Variants in ZNF281 observed in about 807,000 individuals in gnomAD.
ZNF281 encodes the protein zinc finger protein 281, also known as GC-box-binding zinc finger protein 1.
ZNF281 carries 2 observed loss-of-function variants against 58.8 expected under a neutral mutation model. The observed-to-expected ratio is 0.03, with a 90% CI of 0.01 to 0.11. ZNF281 has a LOEUF of 0.11. Among genes scored for constraint, ZNF281 ranks in the 10% least tolerant of loss-of-function variants. The pLI, the probability that ZNF281 is intolerant of heterozygous loss-of-function variation, is 1.00. For synonymous variants in ZNF281, 465 were observed against 407.7 expected (o/e 1.14, Z -1.69); for missense variants, 975 against 1,090.7 (o/e 0.89, Z 1.49).
rs1248080358 is a variant in ZNF281, at chr1:200,407,484, A to C, written c.2222T>G (p.Phe741Cys). 6.2e-7 allele frequency: 1 copy of C among 1,614,180 alleles called. No homozygotes were observed. Among genetic ancestry groups the C allele is most frequent in the South Asian group, 1.1e-5 (1 of 91,084 alleles). The change falls in exon 2 of 2, where the codon TTT (phenylalanine) becomes TGT (cysteine). Residue 741 changes from phenylalanine to cysteine, a missense_variant. Phe to Cys is a radical substitution (Grantham distance 205). This residue lies in a region of ZNF281 where 579 missense variants were observed against 608.9 expected (regional missense o/e 0.95). Transcript: ENST00000367353. The part of the protein sequence containing the change: ...SLPKPPFGML[F>C]GSQPGLYLSA... Reference sequence around the variant, plus strand: ...CAAATAAAGACCTGGCTGAGATCCAAACAACATCCCAAAAGGAGGCTTTGG... The same window carrying C: ...CAAATAAAGACCTGGCTGAGATCCACACAACATCCCAAAAGGAGGCTTTGG...
Position 200,406,960 on chromosome 1 carries a change from T to G in ZNF281, c.*58A>C. ...GTGTAGAAACATTCCAATGGCAGTG[T>G]TCTCAAAATAAAACAAAATTACATT... On this transcript the variant is annotated 3_prime_UTR_variant, in exon 2 of 2. Transcript: ENST00000367353. 4.7e-6 allele frequency: 7 copies of G among 1,498,412 alleles called. No individual in the cohort carries two copies. The highest frequency in any genetic ancestry group is 6.2e-6 in the Non-Finnish European group (7 of 1,122,446). 92.8% of individuals were successfully genotyped at this position (1,498,412 alleles called of 1,614,324 possible). A position where few individuals can be genotyped will look rare whatever the true frequency, so the allele number is the denominator to read the frequency against.
Position 200,406,970 on chromosome 1 carries a change from A to G in ZNF281, c.*48T>C, listed in dbSNP as rs757561925. 73 of 1,528,310 alleles carry G rather than the reference A, an allele frequency of 4.8e-5. No individual in the cohort carries two copies. Among genetic ancestry groups the G allele is most frequent in the Non-Finnish European group, 6.2e-5 (71 of 1,144,234 alleles). 94.7% of individuals were successfully genotyped at this position (1,528,310 alleles called of 1,614,324 possible). On this transcript the variant is annotated 3_prime_UTR_variant, in exon 2 of 2. Transcript: ENST00000367353. ...ATTCCAATGGCAGTGTTCTCAAAAT[A>G]AAACAAAATTACATTAGAAGACCTC...
rs1654490181 is a variant in ZNF281, at chr1:200,407,649, A to G, written c.2057T>C (p.Leu686Pro). The G allele has an allele frequency of 7.4e-6, 12 of 1,614,230 alleles. No individual in the cohort carries two copies. Among genetic ancestry groups the G allele is most frequent in the Non-Finnish European group, 1.0e-5 (12 of 1,180,030 alleles). Residue 686 changes from leucine (L) to proline (P), a missense_variant, in exon 2 of 2, where the codon CTT becomes CCT. This residue lies in a region of ZNF281 where 579 missense variants were observed against 608.9 expected (regional missense o/e 0.95). Coordinates refer to ENST00000367353, the MANE Select transcript of ZNF281 (RefSeq NM_001281293.2). ...FEKSTNASFTLGHGFQFVSLS... is the reference protein window; with the variant it reads ...FEKSTNASFTPGHGFQFVSLS... ...ACTGACAAATTGGAAACCGTGTCCA[A>G]GAGTAAAACTTGCATTAGTGGATTT...
In ZNF281 at chr1:200,407,754, C is replaced by A. The variant is rs1654492950; in HGVS notation, c.1952G>T (p.Ser651Ile). The stretch of plus-strand genomic sequence containing the variant: ...ATTTGAAGGTGTTTGGGTGCCTGGG[C>A]TCAAATTTTCTTCTTGAACCAATTC... Reference protein sequence around the residue: ...HSELVQEENLSPGTQTPSNDK... With the variant: ...HSELVQEENLIPGTQTPSNDK... The change falls in exon 2 of 2, where the codon AGC becomes ATC. Residue 651 changes from serine to isoleucine, a missense_variant. By Grantham distance (142) the Ser-to-Ile change is moderately radical. This residue lies in a region of ZNF281 where 579 missense variants were observed against 608.9 expected (regional missense o/e 0.95). Coordinates refer to ENST00000367353, the MANE Select transcript of ZNF281 (RefSeq NM_001281293.2). 1.2e-6 allele frequency: 2 copies of A among 1,614,094 alleles called. No individual in the cohort carries two copies. Among genetic ancestry groups the A allele is most frequent in the Non-Finnish European group, 1.7e-6 (2 of 1,180,032 alleles).
At position 200,406,219 on chromosome 1, in the gene ZNF281, G is replaced by A. The variant is rs1282750226; in HGVS notation, c.*799C>T. On this transcript the variant is annotated 3_prime_UTR_variant, in exon 2 of 2. Coordinates refer to ENST00000367353, the MANE Select transcript of ZNF281 (RefSeq NM_001281293.2). ...CTTGGGCTTCAACACTGTACTAGAT[G>A]TCAGTAGAATCGCTTGATGGAATTA... The A allele has an allele frequency of 6.6e-6, 1 of 152,398 alleles. No individual in the cohort carries two copies. The highest frequency in any genetic ancestry group is 1.5e-5 in the Non-Finnish European group (1 of 68,006). 9.4% of individuals were successfully genotyped at this position (152,398 alleles called of 1,614,324 possible). A position where few individuals can be genotyped will look rare whatever the true frequency, so the allele number is the denominator to read the frequency against.
chr1:200,407,815 G>A lies in ZNF281; in HGVS notation c.1891C>T (p.Pro631Ser). 1 of 1,614,150 alleles carries A rather than the reference G, an allele frequency of 6.2e-7. No homozygotes were observed. The highest frequency in any genetic ancestry group is 8.5e-7 in the Non-Finnish European group (1 of 1,180,040). Residue 631 changes from proline to serine, a missense_variant, in exon 2 of 2, where the codon CCA becomes TCA. Coordinates refer to ENST00000367353, the MANE Select transcript of ZNF281 (RefSeq NM_001281293.2). ...QKEDPFNIAE[P>S]RVDLHTSGEH... is the part of the protein sequence containing the mutation. Reference sequence around the variant, plus strand: ...CCTGAGGTGTGTAAATCCACTCGTGGTTCTGCAATATTGAAAGGATCCTCT... The same window carrying A: ...CCTGAGGTGTGTAAATCCACTCGTGATTCTGCAATATTGAAAGGATCCTCT...
rs1654483221 is a variant in ZNF281 at position 200,407,441 on chromosome 1, T to C, written c.2265A>G (p.Thr755=). Residue 755 remains threonine, a synonymous_variant, in exon 2 of 2, where the codon ACA becomes ACG. Transcript: ENST00000367353. The part of the protein sequence containing the change: ...PGLYLSALDA[T]HQQLTPSQEL... ...CCTGGGAAGGTGTCAACTGCTGATG[T>C]GTAGCATCCAAAGCAGACAAATAAA... 1 of 1,614,090 alleles carries C rather than the reference T, an allele frequency of 6.2e-7. No homozygotes were observed. Among genetic ancestry groups the C allele is most frequent in the Non-Finnish European group, 8.5e-7 (1 of 1,180,050 alleles).
Position 200,409,996 on chromosome 1 carries a change from G to A in ZNF281, c.-69C>T, listed in dbSNP as rs1571697718. On this transcript the variant is annotated 5_prime_UTR_variant, in exon 1 of 2. Transcript: ENST00000367353. Reference sequence around the variant, plus strand: ...GTCGCCTCCAGTTAATAAAAATAACGCCGTCCTCTCCACAATGGAATTAAA... The same window carrying A: ...GTCGCCTCCAGTTAATAAAAATAACACCGTCCTCTCCACAATGGAATTAAA... 9 of 572,444 alleles carry A rather than the reference G, an allele frequency of 1.6e-5. 1 individual carries two copies. The East Asian group carries it at 1.8e-4, about 12-fold the overall frequency. 35.5% of individuals were successfully genotyped at this position (572,444 alleles called of 1,614,324 possible). A position where few individuals can be genotyped will look rare whatever the true frequency, so the allele number is the denominator to read the frequency against.
chr1:200,409,370 G>C lies in ZNF281; in HGVS notation c.336C>G (p.Pro112=), dbSNP rs780121334. 2 of 1,533,172 alleles carry C rather than the reference G, an allele frequency of 1.3e-6. No individual in the cohort carries two copies. Among genetic ancestry groups the C allele is most frequent in the Admixed American group, 2.1e-5 (1 of 47,276 alleles). 95.0% of individuals were successfully genotyped at this position (1,533,172 alleles called of 1,614,324 possible). ...KEPAASAAAF[P]SQRTSWGFLQ... is the part of the protein sequence containing the mutation. ...AGAACCCCCAGGAGGTCCTCTGCGA[G>C]GGGAAGGCCGCGGCTGACGCCGCCG... Residue 112 remains proline (P), a synonymous_variant, in exon 2 of 2, where the codon CCC becomes CCG. Transcript: ENST00000367353.
Position 200,407,980 on chromosome 1 carries a change from C to G in ZNF281, c.1726G>C (p.Asp576His). The change falls in exon 2 of 2, where the codon GAC becomes CAC. Residue 576 changes from aspartate (D) to histidine (H), a missense_variant. Physicochemically the swap from Asp to His is moderately conservative, Grantham distance 81. Around this residue, in one of 3 missense-constraint regions of ZNF281, gnomAD observed 579 missense variants for 608.9 expected, o/e 0.95. Coordinates refer to ENST00000367353, the MANE Select transcript of ZNF281 (RefSeq NM_001281293.2). The part of the protein sequence containing the change: ...VIQSAGVSVL[D>H]NEAPLSLIDS... Reference sequence around the variant, plus strand: ...ATAAGTGACAATGGTGCCTCATTGTCCAAAACACTGACACCTGCAGACTGA... The same window carrying G: ...ATAAGTGACAATGGTGCCTCATTGTGCAAAACACTGACACCTGCAGACTGA... 6.2e-7 allele frequency: 1 copy of G among 1,614,162 alleles called. No homozygotes were observed. Among genetic ancestry groups the G allele is most frequent in the Middle Eastern group, 1.6e-4 (1 of 6,062 alleles).
At position 200,406,934 on chromosome 1, in the gene ZNF281, C is replaced by A. The variant is rs540071956; in HGVS notation, c.*84G>T. ...GGCATCACATTATTCTTAATAGGAT[C>A]GTGTAGAAACATTCCAATGGCAGTG... On this transcript the variant is annotated 3_prime_UTR_variant, in exon 2 of 2. Transcript: ENST00000367353. 7.5e-7 allele frequency: 1 copy of A among 1,329,680 alleles called. No homozygotes were observed. The highest frequency in any genetic ancestry group is 1.5e-5 in the African/African-American group (1 of 68,432). The allele number at this position is 1,329,680 out of a possible 1,614,324, so 82.4% of individuals were successfully genotyped here. A position where few individuals can be genotyped will look rare whatever the true frequency, so the allele number is the denominator to read the frequency against.
Position 200,405,996 on chromosome 1 carries a change from A to ATTT in ZNF281, c.*1021_*1022insAAA, listed in dbSNP as rs1654440138. On this transcript the variant is annotated 3_prime_UTR_variant, in exon 2 of 2. Coordinates refer to ENST00000367353, the MANE Select transcript of ZNF281 (RefSeq NM_001281293.2). ...TGGTTCTAAAATTAAAACTGTTAAA[A>ATTT]TAGAAAGAGGGAAAAGGAAGGCCCA... The ATTT allele has an allele frequency of 6.6e-6, 1 of 152,314 alleles. No individual in the cohort carries two copies. The highest frequency in any genetic ancestry group is 2.1e-4 in the South Asian group (1 of 4,834). The allele number at this position is 152,314 out of a possible 1,614,324, so 9.4% of individuals were successfully genotyped here. A position where few individuals can be genotyped will look rare whatever the true frequency, so the allele number is the denominator to read the frequency against.
At position 200,408,393 on chromosome 1, in the gene ZNF281, G is replaced by A. The variant is rs1019100591; in HGVS notation, c.1313C>T (p.Ser438Leu). Residue 438 changes from serine to leucine, a missense_variant, in exon 2 of 2, where the codon TCA (serine) becomes TTA (leucine). By Grantham distance (145) the Ser-to-Leu change is moderately radical (BLOSUM62 -2). Around this residue, in one of 3 missense-constraint regions of ZNF281, gnomAD observed 579 missense variants for 608.9 expected, o/e 0.95. Coordinates refer to ENST00000367353, the MANE Select transcript of ZNF281 (RefSeq NM_001281293.2). Reference protein sequence around the residue: ...ISNNINMQSYSVEMPTVSSSG... With the variant: ...ISNNINMQSYLVEMPTVSSSG... ...GGAAGACACGGTAGGCATTTCTACT[G>A]AGTAACTCTGCATGTTTATATTATT... The A allele has an allele frequency of 1.9e-6, 3 of 1,614,002 alleles. No individual in the cohort carries two copies. The African/African-American group carries it at 4.0e-5, about 22-fold the overall frequency.
Position 200,406,920 on chromosome 1 carries a change from ATTC to A in ZNF281, c.*95_*97del. 6 of 1,230,238 alleles carry A rather than the reference ATTC, an allele frequency of 4.9e-6. No individual in the cohort carries two copies. The South Asian group carries it at 6.5e-5, about 13-fold the overall frequency. The allele number at this position is 1,230,238 out of a possible 1,614,324, so 76.2% of individuals were successfully genotyped here. Reference sequence around the variant, plus strand: ...AGTTGCATTGAAAGGGCATCACATTATTCTTAATAGGATCGTGTAGAAACATTC... The same window carrying A: ...AGTTGCATTGAAAGGGCATCACATTATTAATAGGATCGTGTAGAAACATTC... On this transcript the variant is annotated 3_prime_UTR_variant, in exon 2 of 2. Transcript: ENST00000367353.
Position 200,406,917 on chromosome 1 carries a change from A to G in ZNF281, c.*101T>C, listed in dbSNP as rs1654466830. The G allele has an allele frequency of 1.7e-6, 2 of 1,185,490 alleles. No homozygotes were observed. Among genetic ancestry groups the G allele is most frequent in the African/African-American group, 1.5e-5 (1 of 65,682 alleles). 73.4% of individuals were successfully genotyped at this position (1,185,490 alleles called of 1,614,324 possible). On this transcript the variant is annotated 3_prime_UTR_variant, in exon 2 of 2. Coordinates refer to ENST00000367353, the MANE Select transcript of ZNF281 (RefSeq NM_001281293.2). ...AAAAGTTGCATTGAAAGGGCATCAC[A>G]TTATTCTTAATAGGATCGTGTAGAA...
Position 200,409,406 on chromosome 1 carries a change from G to C in ZNF281, c.300C>G (p.Phe100Leu). 6 of 1,519,538 alleles carry C rather than the reference G, an allele frequency of 3.9e-6. No homozygotes were observed. The highest frequency in any genetic ancestry group is 5.3e-6 in the Non-Finnish European group (6 of 1,132,550). The allele number at this position is 1,519,538 out of a possible 1,614,324, so 94.1% of individuals were successfully genotyped here. A position where few individuals can be genotyped will look rare whatever the true frequency, so the allele number is the denominator to read the frequency against. Residue 100 changes from phenylalanine (F) to leucine (L), a missense_variant, in exon 2 of 2, where the codon TTC becomes TTG. Coordinates refer to ENST00000367353, the MANE Select transcript of ZNF281 (RefSeq NM_001281293.2). Reference protein sequence around the residue: ...PPPPPAPDMTFKKEPAASAAA... With the variant: ...PPPPPAPDMTLKKEPAASAAA... Reference sequence around the variant, plus strand: ...CGGCTGACGCCGCCGGCTCCTTCTTGAAAGTCATGTCCGGGGCTGGCGGAG... The same window carrying C: ...CGGCTGACGCCGCCGGCTCCTTCTTCAAAGTCATGTCCGGGGCTGGCGGAG...
rs532398537 is a variant in ZNF281, at chr1:200,410,035, C to A, written c.-108G>T. ...AATGGAATTAAAAGCCTCCCGTGTA[C>A]TGCGCAGCCGCGGCGCAGTGTCTGC... On this transcript the variant is annotated 5_prime_UTR_variant, in exon 1 of 2. Transcript: ENST00000367353. 6 of 423,896 alleles carry A rather than the reference C, an allele frequency of 1.4e-5. No individual in the cohort carries two copies. The highest frequency in any genetic ancestry group is 1.2e-4 in the Admixed American group (3 of 24,288). 26.3% of individuals were successfully genotyped at this position (423,896 alleles called of 1,614,324 possible).
At position 200,408,058 on chromosome 1, in the gene ZNF281, T is replaced by C; in HGVS notation, c.1648A>G (p.Asn550Asp). 6.2e-7 allele frequency: 1 copy of C among 1,614,216 alleles called. No homozygotes were observed. Among genetic ancestry groups the C allele is most frequent in the Non-Finnish European group, 8.5e-7 (1 of 1,180,034 alleles). Residue 550 changes from asparagine (N) to aspartate (D), a missense_variant, in exon 2 of 2, where the codon AAC becomes GAC. Coordinates refer to ENST00000367353, the MANE Select transcript of ZNF281 (RefSeq NM_001281293.2). ...KRRYLPTASS[N>D]SAFSINVGHM... ...CCTACGTTTATAGAAAAGGCACTGT[T>C]GCTGCTGGCAGTTGGTAAATATCTT...
rs1558006264 is a variant in ZNF281 at position 200,409,501 on chromosome 1, A to ACCCCGCCGG, written c.196_204dup (p.Pro66_Gly68dup). On this transcript the variant is annotated inframe_insertion, in exon 2 of 2. Transcript: ENST00000367353. ...ACGCATTGCGGGGGAGGGGCGGCCGACCCCGCCGGCCGGGTGAAGCTGGTG... is the reference window on the plus strand; with the variant it reads ...ACGCATTGCGGGGGAGGGGCGGCCGACCCCGCCGGCCCCGCCGGCCGGGTGAAGCTGGTG... 1.9e-6 allele frequency: 3 copies of ACCCCGCCGG among 1,546,402 alleles called. No homozygotes were observed. In the African/African-American group the frequency reaches 4.1e-5, roughly 21 times the overall value.
Sources: allele counts gnomAD v4.1 joint callset, GRCh38; gene constraint gnomAD v4.1.1; regional missense constraint gnomAD v4.1.1; transcripts MANE v1.5; gene names NCBI Gene and HGNC (gene_info 2026-07-23, HGNC 2026-07-21).